Variants in MYH8 observed in about 807,000 individuals in gnomAD.
MYH8 encodes myosin-8.
In MYH8, 168 loss-of-function variants were observed where a neutral mutation model predicts 233.2. The observed-to-expected ratio is 0.72, with a 90% confidence interval of 0.64 to 0.82. The LOEUF is 0.82. Ranked by LOEUF, MYH8 falls within the 40% of genes least tolerant of loss-of-function variation. The pLI is 0.00. For missense variants in MYH8, 1,995 were observed against 2,327.8 expected (o/e 0.86, Z 2.94); for synonymous variants, 785 against 850.6 (o/e 0.92, Z 1.34).
chr17:10,405,894 G>T, intron 21 of MYH8, 147 bp downstream of exon 21: 1 of 966,296 alleles, frequency 1.0e-6, no homozygotes, highest in Non-Finnish European at 1.6e-6. Context: ...TGTGAGAGCT[G>T]AAGCAAAGGC....
chr17:10,400,795 G>A lies in MYH8; in HGVS notation c.3346-16C>T. 6.2e-7 allele frequency: 1 copy of A among 1,614,008 alleles called. No homozygotes were observed. Among genetic ancestry groups the A allele is most frequent in the Non-Finnish European group, 8.5e-7 (1 of 1,180,030 alleles). On this transcript the variant is annotated splice_polypyrimidine_tract_variant and intron_variant, in intron 26 of 39. Transcript: ENST00000403437. This position sits in a 1 kb window ranked among gnomAD's most constrained non-coding sequence, Gnocchi z 4.0. Reference sequence around the variant, plus strand: ...CAATGCGGGCCTGGGAATGAAAGAAGCACATAAACATAAACTCATCTCAAC... The same window carrying A: ...CAATGCGGGCCTGGGAATGAAAGAAACACATAAACATAAACTCATCTCAAC...
chr17:10,400,171 T>C lies in MYH8; in HGVS notation c.3735+219A>G, dbSNP rs548224858. 5.6e-4 allele frequency among the ~76,000 whole-genome samples: 85 copies of C among 152,108 alleles called. No individual in the cohort carries two copies. The highest frequency in any genetic ancestry group is 1.9e-3 in the African/African-American group (80 of 41,520). ...TGAGCCGAGATTGCGCCACTGCACT[T>C]CAGCCTGGGCGACAGAGTGAGACTC... On this transcript the variant is annotated intron_variant, in intron 27 of 39. Transcript: ENST00000403437. The surrounding 1 kb of genome is among the most constrained non-coding windows in gnomAD (Gnocchi z 4.0).
chr17:10,410,420 T>C lies in MYH8; in HGVS notation c.1587+357A>G, dbSNP rs527354575. Among the ~76,000 whole-genome samples, 4 of 152,374 alleles carry C rather than the reference T, an allele frequency of 2.6e-5. No homozygotes were observed. The South Asian group carries it at 8.3e-4, about 32-fold the overall frequency. On this transcript the variant is annotated intron_variant, in intron 15 of 39. Transcript: ENST00000403437. ...ACTAACTGTGTCATGTGTGCATTAA[T>C]TTTTATATAGAAAAATATTTTTATT...
At position 10,414,156 on chromosome 17, in the gene MYH8, C is replaced by T. The variant is rs373375739; in HGVS notation, c.1008+36G>A. 6.2e-6 allele frequency: 10 copies of T among 1,608,334 alleles called. No homozygotes were observed. In the African/African-American group the frequency reaches 1.3e-4, roughly 22 times the overall value. On this transcript the variant is annotated intron_variant, in intron 11 of 39. Coordinates refer to ENST00000403437, the MANE Select transcript of MYH8 (RefSeq NM_002472.3). Reference sequence around the variant, plus strand: ...GTAGTTTGCTATTGTCATTTCCATACATAATGGATTTTTAAAATTAGTGTT... The same window carrying T: ...GTAGTTTGCTATTGTCATTTCCATATATAATGGATTTTTAAAATTAGTGTT...
Position 10,396,644 on chromosome 17 carries a change from A to C in MYH8, c.4437T>G (p.Ser1479=). Residue 1479 remains serine (S), a synonymous_variant, in exon 32 of 40, where the codon TCT becomes TCG. Transcript: ENST00000403437. This position sits in a 1 kb window ranked among gnomAD's most constrained non-coding sequence, Gnocchi z 4.2. ...TCACCTTGAACAGCTCAGTGCTAAG[A>C]GAACGTGACTCCTTCTGGGAGGCCT... ...ELEASQKESR[S]LSTELFKVKN... The C allele has an allele frequency of 1.2e-6, 2 of 1,614,240 alleles. No homozygotes were observed. The highest frequency in any genetic ancestry group is 1.3e-5 in the African/African-American group (1 of 75,058).
chr17:10,415,034 T>G lies in MYH8; in HGVS notation c.805+82A>C, dbSNP rs1263279615. On this transcript the variant is annotated intron_variant, in intron 9 of 39. Coordinates refer to ENST00000403437, the MANE Select transcript of MYH8 (RefSeq NM_002472.3). This position sits in a 1 kb window ranked among gnomAD's most constrained non-coding sequence, Gnocchi z 4.1. Reference sequence around the variant, plus strand: ...CAGACTACCCTTTTAACAGGCTTCATGCACAGCAAGGGTGGCAAAATATCC... The same window carrying G: ...CAGACTACCCTTTTAACAGGCTTCAGGCACAGCAAGGGTGGCAAAATATCC... 1 of 1,320,974 alleles carries G rather than the reference T, an allele frequency of 7.6e-7. No individual in the cohort carries two copies. The highest frequency in any genetic ancestry group is 1.1e-6 in the Non-Finnish European group (1 of 913,810). 81.8% of individuals were successfully genotyped at this position (1,320,974 alleles called of 1,614,324 possible).
rs2072059450 is a variant in MYH8 at position 10,394,329 on chromosome 17, C to T, written c.5086G>A (p.Glu1696Lys). 2 of 1,614,000 alleles carry T rather than the reference C, an allele frequency of 1.2e-6. No individual in the cohort carries two copies. The highest frequency in any genetic ancestry group is 1.3e-5 in the African/African-American group (1 of 74,892). ...AEIEELWATL[E>K]QTERSRKIAE... ...ATTTTCCTGCTTCTCTCTGTCTGTT[C>T]CAGAGTGGCCCACAGCTCCTCGATC... The change falls in exon 35 of 40, where the codon GAA (glutamate) becomes AAA (lysine). Residue 1696 changes from glutamate (E) to lysine (K), a missense_variant. By Grantham distance (56) the Glu-to-Lys change is moderately conservative. Coordinates refer to ENST00000403437, the MANE Select transcript of MYH8 (RefSeq NM_002472.3).
At position 10,401,624 on chromosome 17, in the gene MYH8, A is replaced by G. The variant is rs1399596204; in HGVS notation, c.2850T>C (p.Cys950=). The G allele has an allele frequency of 6.2e-7, 1 of 1,614,016 alleles. No homozygotes were observed. The highest frequency in any genetic ancestry group is 8.5e-7 in the Non-Finnish European group (1 of 1,180,030). ...TAKKRKLEDE[C]SELKKDIDDL... ...CATCAATGTCTTTCTTGAGTTCTGA[A>G]CATTCATCCTCCAGTTTTCTCTTCT... Residue 950 remains cysteine (C), a synonymous_variant, in exon 23 of 40, where the codon TGT becomes TGC. Coordinates refer to ENST00000403437, the MANE Select transcript of MYH8 (RefSeq NM_002472.3).
Position 10,418,958 on chromosome 17 carries a change from T to C in MYH8, c.283A>G (p.Met95Val). 1 of 1,613,952 alleles carries C rather than the reference T, an allele frequency of 6.2e-7. No individual in the cohort carries two copies. Reference protein sequence around the residue: ...PKYDKIEDMAMMTHLHEPGVL... With the variant: ...PKYDKIEDMAVMTHLHEPGVL... Reference sequence around the variant, plus strand: ...CCAGGCTCGTGTAGATGAGTCATCATGGCCATGTCCTCAATTTTGTCATAT... The same window carrying C: ...CCAGGCTCGTGTAGATGAGTCATCACGGCCATGTCCTCAATTTTGTCATAT... The change falls in exon 4 of 40, where the codon ATG becomes GTG. Residue 95 changes from methionine to valine, a missense_variant. Coordinates refer to ENST00000403437, the MANE Select transcript of MYH8 (RefSeq NM_002472.3).
In MYH8 at chr17:10,400,929, G is replaced by A. The variant is rs1490217839; in HGVS notation, c.3285C>T (p.Ser1095=). 6.2e-7 allele frequency: 1 copy of A among 1,613,506 alleles called. No homozygotes were observed. Among genetic ancestry groups the A allele is most frequent in the Non-Finnish European group, 8.5e-7 (1 of 1,179,996 alleles). ...CTACAGCTTGCTCATCTTCAATTTT[G>A]CTTATCAAATTGCTGATTTCAAATT... ...KKEFEISNLI[S]KIEDEQAVEI... Residue 1095 remains serine (S), a synonymous_variant, in exon 26 of 40, where the codon AGC becomes AGT. Coordinates refer to ENST00000403437, the MANE Select transcript of MYH8 (RefSeq NM_002472.3). This position sits in a 1 kb window ranked among gnomAD's most constrained non-coding sequence, Gnocchi z 4.0.
At position 10,406,401 on chromosome 17, in the gene MYH8, C is replaced by G; in HGVS notation, c.2172-4G>C. On this transcript the variant is annotated splice_polypyrimidine_tract_variant and splice_region_variant and intron_variant, in intron 19 of 39. Coordinates refer to ENST00000403437, the MANE Select transcript of MYH8 (RefSeq NM_002472.3). ...ACTTGCATTTAAAACCTTGTATCTGCTCAGTTAAAGAAAGAAAGAATGGTT... is the reference window on the plus strand; with the variant it reads ...ACTTGCATTTAAAACCTTGTATCTGGTCAGTTAAAGAAAGAAAGAATGGTT... 11 of 1,613,898 alleles carry G rather than the reference C, an allele frequency of 6.8e-6. No homozygotes were observed. The highest frequency in any genetic ancestry group is 9.3e-6 in the Non-Finnish European group (11 of 1,179,896).
intron 21 of MYH8, among the ~76,000 whole-genome samples, chr17:10,405,187 A>G (rs1227425864): frequency 1.3e-5 from 2 of 152,186 alleles, no homozygotes; most frequent in Non-Finnish European, 2.9e-5. Flanking sequence ...AATTCTTTCA[A>G]GTGCCTCAGT....
chr17:10,420,009 T>A lies in MYH8; in HGVS notation c.210+9A>T. 9 of 1,613,502 alleles carry A rather than the reference T, an allele frequency of 5.6e-6. No homozygotes were observed. Among genetic ancestry groups the A allele is most frequent in the Non-Finnish European group, 7.6e-6 (9 of 1,179,482 alleles). On this transcript the variant is annotated intron_variant, in intron 3 of 39. Coordinates refer to ENST00000403437, the MANE Select transcript of MYH8 (RefSeq NM_002472.3). ...AAATGGGGAGTATTTTCTCCCTGTT[T>A]TCACTTACTGCTCCACCTTCAGTCT...
intron 35 of MYH8, 42 bp from the exon 36 acceptor site, chr17:10,393,252 G>A (rs2072047205): frequency 6.2e-7 from 1 of 1,613,476 alleles, no homozygotes; most frequent in Non-Finnish European, 8.5e-7. Flanking sequence ...TTTGCAGTTT[G>A]CCCTCTTGGG....
chr17:10,418,600 G>A (rs1567690598), intron 5 of MYH8, 45 bp downstream of exon 5: 1 of 1,612,630 alleles, frequency 6.2e-7, no homozygotes, highest in East Asian at 2.2e-5. Flanking sequence ...GTTCTGCAAA[G>A]ATTCTATTTA....
chr17:10,415,039 A>T lies in MYH8; in HGVS notation c.805+77T>A. 1 of 1,383,838 alleles carries T rather than the reference A, an allele frequency of 7.2e-7. No homozygotes were observed. Among genetic ancestry groups the T allele is most frequent in the Non-Finnish European group, 1.0e-6 (1 of 970,766 alleles). The allele number at this position is 1,383,838 out of a possible 1,614,324, so 85.7% of individuals were successfully genotyped here. Reference sequence around the variant, plus strand: ...TACCCTTTTAACAGGCTTCATGCACAGCAAGGGTGGCAAAATATCCCTGCA... The same window carrying T: ...TACCCTTTTAACAGGCTTCATGCACTGCAAGGGTGGCAAAATATCCCTGCA... On this transcript the variant is annotated intron_variant, in intron 9 of 39. Coordinates refer to ENST00000403437, the MANE Select transcript of MYH8 (RefSeq NM_002472.3). This position sits in a 1 kb window ranked among gnomAD's most constrained non-coding sequence, Gnocchi z 4.1.
intron 5 of MYH8, among the ~76,000 whole-genome samples, 198 bp downstream of exon 5, chr17:10,418,447 T>C (rs996139542): frequency 3.9e-5 from 6 of 152,244 alleles, no homozygotes; most frequent in Admixed American, 1.3e-4. Context: ...TCAGTGAGCT[T>C]CACTTTACTC....
In MYH8 at chr17:10,400,425, G is replaced by A. The variant is rs779913726; in HGVS notation, c.3700C>T (p.Leu1234Phe). 1.9e-6 allele frequency: 3 copies of A among 1,613,912 alleles called. No homozygotes were observed. The highest frequency in any genetic ancestry group is 2.5e-6 in the Non-Finnish European group (3 of 1,179,968). Reference protein sequence around the residue: ...KSELKMETDDLSSNAEAISKA... With the variant: ...KSELKMETDDFSSNAEAISKA... ...GAAATGGCCTCTGCGTTACTGCTGA[G>A]GTCATCAGTCTCCATCTTCAGCTCA... The change falls in exon 27 of 40, where the codon CTC becomes TTC. Residue 1234 changes from leucine (L) to phenylalanine (F), a missense_variant. Leu to Phe is a conservative substitution (Grantham distance 22). This residue lies in a region of MYH8 where 1,498 missense variants were observed against 1,680.9 expected (regional missense o/e 0.89). Transcript: ENST00000403437. The surrounding 1 kb of genome is among the most constrained non-coding windows in gnomAD (Gnocchi z 4.0).
chr17:10,412,544 T>TAA (rs1346416378), intron 13 of MYH8, 25 bp from the exon 14 acceptor site: 1 of 1,614,228 alleles, frequency 6.2e-7, no homozygotes, highest in Non-Finnish European at 8.5e-7. Flanking sequence ...TAATGTTTGT[T>TAA]GGTATTGTTA....
Sources: allele counts gnomAD v4.1 joint callset (sites outside exome capture counted in the v4.1 genomes callset), GRCh38; gene constraint gnomAD v4.1.1; regional missense constraint gnomAD v4.1.1; non-coding constraint Gnocchi (gnomAD v3.1); transcripts MANE v1.5; gene names NCBI Gene and HGNC (gene_info 2026-07-23, HGNC 2026-07-21).